The following NOTCH3 variants were observed in gnomAD, a reference collection of about 807,000 sequenced individuals.
NOTCH3 encodes the protein notch receptor 3.
In NOTCH3, 86 loss-of-function variants were observed where a neutral mutation model predicts 213.3. That is an observed-to-expected ratio of 0.40 (90% confidence interval 0.34 to 0.48). The LOEUF (loss-of-function observed/expected upper bound fraction) is 0.48. NOTCH3 is among the 20% of genes least tolerant of loss of function. The pLI is 0.57. For synonymous variants in NOTCH3, 1,354 were observed against 1,355.9 expected, an observed-to-expected ratio of 1.00 and a Z score of 0.03; for missense variants, 2,783 against 3,272.6, an observed-to-expected ratio of 0.85 and a Z score of 3.65.
At position 15,167,233 on chromosome 19, in the gene NOTCH3, G is replaced by A; in HGVS notation, c.5362+16C>T. ...TGGGTGAGGGGCATCCCTTTGGGAG[G>A]GGCACTGTCACTAACCTGGGCCACG... On this transcript the variant is annotated intron_variant, in intron 29 of 32. Transcript: ENST00000263388. 1.2e-6 allele frequency: 2 copies of A among 1,606,968 alleles called. No homozygotes were observed. The highest frequency in any genetic ancestry group is 1.7e-4 in the Middle Eastern group (1 of 6,048).
chr19:15,182,634 CTTTTATTTTTAT>C (rs1004666193), intron 16 of NOTCH3, among the ~76,000 whole-genome samples: 2 of 150,456 alleles, frequency 1.3e-5, no homozygotes, highest in Admixed American at 1.3e-4. Flanking sequence ...TATTTATTTA[CTTTTATTTTTAT>C]TTTTATTTTT....
Position 15,187,272 on chromosome 19 carries a change from C to G in NOTCH3, c.1673G>C (p.Arg558Pro). 2 of 1,614,098 alleles carry G rather than the reference C, an allele frequency of 1.2e-6. No individual in the cohort carries two copies. Among genetic ancestry groups the G allele is most frequent in the South Asian group, 2.2e-5 (2 of 91,088 alleles). Reference sequence around the variant, plus strand: ...GAAGCTGGCGATGCCATCCACGCAGCGACCATGGTGGCATGGGTCAGGGGA... The same window carrying G: ...GAAGCTGGCGATGCCATCCACGCAGGGACCATGGTGGCATGGGTCAGGGGA... ...DCSPDPCHHG[R>P]CVDGIASFSC... Residue 558 changes from arginine to proline, a missense_variant, in exon 11 of 33, where the codon CGC becomes CCC. Physicochemically the swap from Arg to Pro is moderately radical, Grantham distance 103. Around this residue, in one of 6 missense-constraint regions of NOTCH3, gnomAD observed 708 missense variants for 906.6 expected, o/e 0.78. Coordinates refer to ENST00000263388, the MANE Select transcript of NOTCH3 (RefSeq NM_000435.3).
intron 16 of NOTCH3, among the ~76,000 whole-genome samples, chr19:15,182,389 C>G (rs1400081238): frequency 6.6e-6 from 1 of 151,922 alleles, no homozygotes; most frequent in Non-Finnish European, 1.5e-5. Context: ...CACCTGTAGT[C>G]CCAGCTAGTG....
chr19:15,171,711 G>C (rs2046736358), intron 25 of NOTCH3, among the ~76,000 whole-genome samples: 1 of 152,080 alleles, frequency 6.6e-6, no homozygotes, highest in Admixed American at 6.5e-5. Flanking sequence ...TTGCTCTGTC[G>C]ACAGGCTGGA....
chr19:15,174,055 TG>T lies in NOTCH3; in HGVS notation c.4736+12del. ...CCCCAGCCACCACGGCTTTTCCAGG[TG>T]GGGTCACTCACCCGATCACCTCGGG... On this transcript the variant is annotated intron_variant, in intron 25 of 32. Coordinates refer to ENST00000263388, the MANE Select transcript of NOTCH3 (RefSeq NM_000435.3). The T allele has an allele frequency of 1.9e-6, 3 of 1,548,060 alleles. No homozygotes were observed. The highest frequency in any genetic ancestry group is 1.9e-5 in the Admixed American group (1 of 53,722).
intron 2 of NOTCH3, 115 bp downstream of exon 2, chr19:15,197,385 T>A: frequency 1.1e-6 from 1 of 951,186 alleles, no homozygotes; most frequent in East Asian, 2.6e-5. Context: ...CACACACATG[T>A]AGGAAGTGGT....
Position 15,170,137 on chromosome 19 carries a change from C to T in NOTCH3, c.5148G>A (p.Glu1716=). The part of the protein sequence containing the change: ...NMAKGESLMG[E]VATDWMDTEC... ...CTGTGTCCATCCAGTCTGTGGCCAC[C>T]TCCCCCATCAGGCTCTCACCCTTGG... Residue 1716 remains glutamate, a synonymous_variant, in exon 28 of 33, where the codon GAG becomes GAA. Transcript: ENST00000263388. The T allele has an allele frequency of 1.2e-6, 2 of 1,605,204 alleles. No homozygotes were observed. Among genetic ancestry groups the T allele is most frequent in the Non-Finnish European group, 1.7e-6 (2 of 1,175,838 alleles).
intron 23 of NOTCH3, 102 bp downstream of exon 23, chr19:15,178,721 G>C (rs998052460): frequency 3.5e-6 from 3 of 848,394 alleles, no homozygotes; most frequent in African/African-American, 3.4e-5. Flanking sequence ...CCTTCCCTTC[G>C]ATGTCTCCCC....
In NOTCH3 at chr19:15,192,476, G is replaced by A. The variant is rs769161256; in HGVS notation, c.241C>T (p.Pro81Ser). 3 of 1,608,758 alleles carry A rather than the reference G, an allele frequency of 1.9e-6. No individual in the cohort carries two copies. The highest frequency in any genetic ancestry group is 2.5e-6 in the Non-Finnish European group (3 of 1,178,384). ...WVGERCQLED[P>S]CHSGPCAGRG... ...CCAGCACAGGGGCCTGAGTGACAGG[G>A]GTCCTCCAGCTGACACCGCTCACCC... Residue 81 changes from proline (P) to serine (S), a missense_variant, in exon 3 of 33, where the codon CCC becomes TCC. Pro to Ser is a moderately conservative substitution (Grantham distance 74). Coordinates refer to ENST00000263388, the MANE Select transcript of NOTCH3 (RefSeq NM_000435.3).
At chr19:15,167,523 A>ATT (rs200154260) in intron 28 of NOTCH3, 112 bp from the exon 29 acceptor site, 11,066 of 929,226 alleles carry the variant, frequency 0.012, 247 homozygotes, top group Admixed American at 0.083. Flanking sequence ...AGATACACAC[A>ATT]GAGCCCTGGG....
intron 25 of NOTCH3, among the ~76,000 whole-genome samples, 181 bp from the exon 26 acceptor site, chr19:15,171,006 G>C (rs2046729250): frequency 6.6e-6 from 1 of 152,146 alleles, no homozygotes; most frequent in African/African-American, 2.4e-5. Context: ...AACGTGTCTT[G>C]CTGTGGTCAG....
In NOTCH3 at chr19:15,179,279, A is replaced by G; in HGVS notation, c.3464T>C (p.Val1155Ala). The G allele has an allele frequency of 6.2e-7, 1 of 1,613,820 alleles. No individual in the cohort carries two copies. The highest frequency in any genetic ancestry group is 1.1e-5 in the South Asian group (1 of 91,088). The change falls in exon 22 of 33, where the codon GTG (valine) becomes GCG (alanine). Residue 1155 changes from valine (V) to alanine (A), a missense_variant. Transcript: ENST00000263388. ...GTCATCCTCATTAATCTCGCAGAGC[A>G]CCCCTGGGGGAAGAAACGAGGGGTG... The part of the protein sequence containing the change: ...LCSCPPGTLG[V>A]LCEINEDDCG...
intron 24 of NOTCH3, among the ~76,000 whole-genome samples, 155 bp downstream of exon 24, chr19:15,177,370 G>C (rs2046799911): frequency 6.6e-6 from 1 of 152,162 alleles, no homozygotes; most frequent in Non-Finnish European, 1.5e-5. Context: ...ACAGACACAC[G>C]GACAGACACG....
rs45591935 is a variant in NOTCH3, at chr19:15,166,195, T to C, written c.5363-104A>G. ...GGAGCTAATGGGACACATGGAAAAA[T>C]GACAATTAGCAGATCCTCCTGTCTG... On this transcript the variant is annotated intron_variant, in intron 29 of 32. Transcript: ENST00000263388. The C allele has an allele frequency of 0.88, 881,856 of 999,496 alleles. 390,437 individuals are homozygous for C. The highest frequency in any genetic ancestry group is 0.97 in the African/African-American group (60,848 of 62,650). 61.9% of individuals were successfully genotyped at this position (999,496 alleles called of 1,614,324 possible).
At chr19:15,178,759 A>G in intron 23 of NOTCH3, 64 bp downstream of exon 23, 1 of 1,156,040 alleles carries the variant, frequency 8.7e-7, no homozygotes, top group Non-Finnish European at 1.3e-6. Context: ...CCTAGACGCC[A>G]CGCCCCTACT....
chr19:15,177,870 G>C lies in NOTCH3; in HGVS notation c.4058C>G (p.Ala1353Gly). 6.5e-6 allele frequency: 8 copies of C among 1,228,926 alleles called. No individual in the cohort carries two copies. The highest frequency in any genetic ancestry group is 3.6e-5 in the South Asian group (1 of 27,874). 76.1% of individuals were successfully genotyped at this position (1,228,926 alleles called of 1,614,324 possible). A position where few individuals can be genotyped will look rare whatever the true frequency, so the allele number is the denominator to read the frequency against. The change falls in exon 24 of 33, where the codon GCG becomes GGG. Residue 1353 changes from alanine (A) to glycine (G), a missense_variant. Physicochemically the swap from Ala to Gly is moderately conservative, Grantham distance 60. Coordinates refer to ENST00000263388, the MANE Select transcript of NOTCH3 (RefSeq NM_000435.3). Reference protein sequence around the residue: ...PCLHGGSCRPAPLAPFFRCAC... With the variant: ...PCLHGGSCRPGPLAPFFRCAC... ...GCAGCGGAAGAAGGGCGCGAGCGGCGCGGGGCGGCAGGAGCCCCCGTGGAG... is the reference window on the plus strand; with the variant it reads ...GCAGCGGAAGAAGGGCGCGAGCGGCCCGGGGCGGCAGGAGCCCCCGTGGAG...
At chr19:15,200,758 C>T (rs1041451027) in intron 1 of NOTCH3, 30 bp downstream of exon 1, 14 of 1,272,662 alleles carry the variant, frequency 1.1e-5, no homozygotes, top group African/African-American at 1.5e-5. Context: ...CTGCCGCCCT[C>T]GTCCCATCCG....
rs530724830 is a variant in NOTCH3, at chr19:15,191,978, C to T, written c.661G>A (p.Asp221Asn). The T allele has an allele frequency of 1.2e-6, 2 of 1,613,350 alleles. No individual in the cohort carries two copies. Among genetic ancestry groups the T allele is most frequent in the Non-Finnish European group, 1.7e-6 (2 of 1,180,044 alleles). The change falls in exon 4 of 33, where the codon GAC becomes AAC. Residue 221 changes from aspartate (D) to asparagine (N), a missense_variant. Physicochemically the swap from Asp to Asn is conservative, Grantham distance 23. Transcript: ENST00000263388. ...CACTCACCAGGAAGACAGGCACAGT[C>T]GTAAGTGAGGTCGCCACTCTGCCTG... Reference protein sequence around the residue: ...TCRQSGDLTYDCACLPGFEGQ... With the variant: ...TCRQSGDLTYNCACLPGFEGQ...
chr19:15,162,561 C>A lies in NOTCH3; in HGVS notation c.5817G>T (p.Gly1939=). The change falls in exon 32 of 33, where the codon GGG becomes GGT. Residue 1939 remains glycine, a splice_region_variant and synonymous_variant. Transcript: ENST00000263388. Reference sequence around the variant, plus strand: ...CCGCAGCCCAGTGTAAGGCTGATTTCCCTGGAGGATGAAGGGGAGAGAGGT... The same window carrying A: ...CCGCAGCCCAGTGTAAGGCTGATTTACCTGGAGGATGAAGGGGAGAGAGGT... ...HADVNAVDEL[G]KSALHWAAAV... is the part of the protein sequence containing the mutation. 1.9e-6 allele frequency: 3 copies of A among 1,613,564 alleles called. 1 individual carries two copies. In the South Asian group the frequency reaches 3.3e-5, roughly 18 times the overall value.
Sources: allele counts gnomAD v4.1 joint callset (sites outside exome capture counted in the v4.1 genomes callset), GRCh38; gene constraint gnomAD v4.1.1; regional missense constraint gnomAD v4.1.1; transcripts MANE v1.5; gene names NCBI Gene and HGNC (gene_info 2026-07-23, HGNC 2026-07-21).